ABAT: variants seen among roughly 807,000 people sequenced by gnomAD.
ABAT encodes 4-aminobutyrate aminotransferase, mitochondrial.
In ABAT, 45 loss-of-function variants were observed where a neutral mutation model predicts 64.6. The observed-to-expected ratio is 0.70, with a 90% CI of 0.55 to 0.89. The LOEUF (loss-of-function observed/expected upper bound fraction) is 0.89, where lower values mean the gene tolerates loss of function less well. Among genes scored for constraint, ABAT ranks in the 40% least tolerant of loss-of-function variants. The pLI is 0.00. For missense variants in ABAT, 633 were observed against 658.4 expected, an observed-to-expected ratio of 0.96 and a Z score of 0.42; for synonymous variants, 297 against 250.5, an observed-to-expected ratio of 1.19 and a Z score of -1.75.
At chr16:8,678,641 A>G (rs1176079341) in intron 1 of ABAT, among the ~76,000 whole-genome samples, 1 of 152,176 alleles carries the variant, frequency 6.6e-6, no homozygotes, top group Non-Finnish European at 1.5e-5. Context: ...CAGCAATCCC[A>G]CTTTGAAAAA....
intron 1 of ABAT, among the ~76,000 whole-genome samples, chr16:8,682,755 G>A (rs1198338108): frequency 3.3e-5 from 5 of 152,166 alleles, no homozygotes; most frequent in Non-Finnish European, 7.3e-5. Context: ...TCAAAGGTGG[G>A]ACCCACTGTA....
At chr16:8,734,109 C>A (rs73499543) in intron 1 of ABAT, among the ~76,000 whole-genome samples, 4,237 of 152,208 alleles carry the variant, frequency 0.028, 196 homozygotes, top group African/African-American at 0.097. Flanking sequence ...GTTAAAATAC[C>A]TCACTTCTGG....
intron 3 of ABAT, among the ~76,000 whole-genome samples, chr16:8,747,067 G>T (rs2142650725): frequency 6.6e-6 from 1 of 152,312 alleles, no homozygotes; most frequent in East Asian, 1.9e-4. Context: ...AGCAAGAGGA[G>T]AACATGGTAT....
At chr16:8,774,077 C>T (rs181534017) in intron 12 of ABAT, among the ~76,000 whole-genome samples, 89 of 152,182 alleles carry the variant, frequency 5.8e-4, no homozygotes, top group African/African-American at 2.1e-3. Flanking sequence ...TACAGGTGCA[C>T]GACACCATGC....
At chr16:8,730,678 T>G (rs1050219490) in intron 1 of ABAT, among the ~76,000 whole-genome samples, 7 of 152,074 alleles carry the variant, frequency 4.6e-5, no homozygotes, top group Non-Finnish European at 1.0e-4. Flanking sequence ...CTGTCCACTG[T>G]GGGGCTGGGT....
At chr16:8,747,743 G>T (rs930055658) in intron 3 of ABAT, among the ~76,000 whole-genome samples, 1 of 152,052 alleles carries the variant, frequency 6.6e-6, no homozygotes, top group African/African-American at 2.4e-5. Context: ...AATATTTTCA[G>T]TTATTTATAT....
At chr16:8,778,301 T>G (rs369592936) in intron 14 of ABAT, among the ~76,000 whole-genome samples, 2 of 152,106 alleles carry the variant, frequency 1.3e-5, no homozygotes, top group African/African-American at 4.8e-5. Flanking sequence ...TTCAGCAGAG[T>G]TGGCTCCTTC....
chr16:8,749,749 T>C, intron 4 of ABAT, among the ~76,000 whole-genome samples: 1 of 151,976 alleles, frequency 6.6e-6, no homozygotes, highest in Admixed American at 6.6e-5. Context: ...AGTCTCACTC[T>C]GTCGCCCCAG....
intron 5 of ABAT, among the ~76,000 whole-genome samples, chr16:8,754,665 TATTTATTTC>T (rs1394558144): frequency 4.1e-4 from 4 of 9,700 alleles, no homozygotes; most frequent in African/African-American, 5.6e-4. Context: ...CAAGTTGATT[TATTTATTTC>T]TTTCTTTCTT....
At chr16:8,771,971 C>T (rs1375795636) in intron 11 of ABAT, among the ~76,000 whole-genome samples, 1 of 151,968 alleles carries the variant, frequency 6.6e-6, no homozygotes, top group African/African-American at 2.4e-5. Context: ...CGCTATGTTG[C>T]ACAGGCTGGT....
At chr16:8,689,211 T>C (rs554099569) in intron 1 of ABAT, among the ~76,000 whole-genome samples, 5 of 152,344 alleles carry the variant, frequency 3.3e-5, no homozygotes, top group African/African-American at 1.2e-4. Flanking sequence ...TTGTATTAGG[T>C]AGAATCATGA....
Position 8,766,154 on chromosome 16 carries a change from A to G in ABAT, c.541-54A>G, listed in dbSNP as rs1045532769. On this transcript the variant is annotated intron_variant, in intron 8 of 15. Coordinates refer to ENST00000268251, the MANE Select transcript of ABAT (RefSeq NM_020686.6). ...AATATCGGTTTGGTTGGAAAGATGA[A>G]GCCCCGACTACCCCAGAGCATCTCT... 4 of 1,556,230 alleles carry G rather than the reference A, an allele frequency of 2.6e-6. No individual in the cohort carries two copies. In the African/African-American group the frequency reaches 5.4e-5, roughly 21 times the overall value.
intron 14 of ABAT, among the ~76,000 whole-genome samples, chr16:8,777,665 G>C (rs775259138): frequency 3.3e-5 from 5 of 152,206 alleles, no homozygotes; most frequent in Non-Finnish European, 1.5e-5. Context: ...GCCACACTCT[G>C]TGGGAGAGGG....
intron 15 of ABAT, chr16:8,780,383 G>C (rs1214142914): frequency 6.5e-6 from 1 of 154,278 alleles, no homozygotes; most frequent in Non-Finnish European, 1.4e-5. Context: ...AGTTCTTCTT[G>C]TGCCATCTTA....
chr16:8,694,842 G>A (rs78543230), intron 1 of ABAT, among the ~76,000 whole-genome samples: 3,652 of 152,310 alleles, frequency 0.024, 147 homozygotes, highest in African/African-American at 0.083. Context: ...GCTGTGTCCT[G>A]GCAGAGAAGG....
chr16:8,697,926 C>T (rs898931803), intron 1 of ABAT, among the ~76,000 whole-genome samples: 2 of 152,120 alleles, frequency 1.3e-5, no homozygotes, highest in South Asian at 2.1e-4. Flanking sequence ...CGTGAGCCAC[C>T]GCACCTGACC....
At chr16:8,733,495 G>A (rs1047341200) in intron 1 of ABAT, among the ~76,000 whole-genome samples, 7 of 151,904 alleles carry the variant, frequency 4.6e-5, no homozygotes, top group Non-Finnish European at 1.0e-4. Flanking sequence ...GGGAGGTGGA[G>A]GTTGTAGCAA....
rs924489973 is a variant in ABAT at position 8,764,966 on chromosome 16, G to C, written c.540+136G>C. On this transcript the variant is annotated intron_variant, in intron 8 of 15. Coordinates refer to ENST00000268251, the MANE Select transcript of ABAT (RefSeq NM_020686.6). This position sits in a 1 kb window ranked among gnomAD's most constrained non-coding sequence, Gnocchi z 4.2. ...GTACCAGGGTTAAAATACAGGGAGG[G>C]CCACTGCTGGATGGTACTTTGAGAC... 8 of 826,926 alleles carry C rather than the reference G, an allele frequency of 9.7e-6. No individual in the cohort carries two copies. In the African/African-American group the frequency reaches 1.2e-4, roughly 12 times the overall value. 51.2% of individuals were successfully genotyped at this position (826,926 alleles called of 1,614,324 possible).
At chr16:8,769,116 G>C in intron 11 of ABAT, 143 bp downstream of exon 11, 5 of 1,170,528 alleles carry the variant, frequency 4.3e-6, no homozygotes, top group Non-Finnish European at 6.2e-6. Context: ...GGGACACAGA[G>C]GCCTTGCGTC....
Sources: allele counts gnomAD v4.1 joint callset (sites outside exome capture counted in the v4.1 genomes callset), GRCh38; gene constraint gnomAD v4.1.1; non-coding constraint Gnocchi (gnomAD v3.1); transcripts MANE v1.5; gene names NCBI Gene and HGNC (gene_info 2026-07-23, HGNC 2026-07-21).